Variants in CCDC172 observed in about 807,000 individuals in gnomAD.
The protein encoded by CCDC172 is coiled-coil domain containing 172, also known as coiled-coil domain-containing protein 172.
In CCDC172, 30 loss-of-function variants were observed where a neutral mutation model predicts 38.0. The ratio of observed to expected loss-of-function variants is 0.79; its 90% confidence interval spans 0.59 to 1.07. The LOEUF (loss-of-function observed/expected upper bound fraction) is 1.07. Among genes scored for constraint, CCDC172 ranks in the 50% least tolerant of loss-of-function variants. CCDC172 has a pLI of 0.00. For missense variants in CCDC172, 297 were observed against 290.1 expected (o/e 1.02, Z -0.17); for synonymous variants, 78 against 88.3 (o/e 0.88, Z 0.66).
intron 7 of CCDC172, among the ~76,000 whole-genome samples, chr10:116,371,561 A>ATT (rs1413947343): frequency 5.3e-5 from 8 of 152,080 alleles, no homozygotes; most frequent in African/African-American, 1.9e-4. Flanking sequence ...AGGAAAAGAA[A>ATT]TTCACTGTTT....
intron 2 of CCDC172, 80 bp downstream of exon 2, chr10:116,325,170 C>T: frequency 6.5e-7 from 1 of 1,531,094 alleles, no homozygotes; most frequent in Non-Finnish European, 9.0e-7. Context: ...ATCCCGAAGG[C>T]AGTGGTCAGA....
chr10:116,340,329 A>G (rs1296451694), intron 3 of CCDC172, among the ~76,000 whole-genome samples: 1 of 151,838 alleles, frequency 6.6e-6, no homozygotes, highest in East Asian at 1.9e-4. Context: ...TATATTATGT[A>G]CATGATTTAT....
intron 3 of CCDC172, among the ~76,000 whole-genome samples, chr10:116,335,464 T>A (rs1366516974): frequency 6.6e-6 from 1 of 151,816 alleles, no homozygotes; most frequent in Non-Finnish European, 1.5e-5. Context: ...TTTTCCTGAT[T>A]CTTTTCATAG....
rs145927106 is a variant in CCDC172, at chr10:116,330,075, A to G, written c.165+4687A>G. On this transcript the variant is annotated intron_variant, in intron 3 of 8. Transcript: ENST00000333254. ...CGCCATTTTTACTTAGATAATTGACAGTCAAGTTGTAGTTATTTAGATTTG... is the reference window on the plus strand; with the variant it reads ...CGCCATTTTTACTTAGATAATTGACGGTCAAGTTGTAGTTATTTAGATTTG... 4.6e-3 allele frequency among the ~76,000 whole-genome samples: 697 copies of G among 152,286 alleles called. 6 individuals carry two copies. The highest frequency in any genetic ancestry group is 0.016 in the African/African-American group (678 of 41,570).
chr10:116,348,092 T>G (rs1844888422), intron 5 of CCDC172, among the ~76,000 whole-genome samples: 1 of 152,128 alleles, frequency 6.6e-6, no homozygotes, highest in Non-Finnish European at 1.5e-5. Flanking sequence ...CGCTTTTTTC[T>G]TTCTCTGCTT....
chr10:116,325,418 A>G, intron 3 of CCDC172, 30 bp downstream of exon 3: 1 of 1,564,344 alleles, frequency 6.4e-7, no homozygotes, highest in Non-Finnish European at 8.8e-7. Flanking sequence ...ACTAATTATC[A>G]CTTGAAAAAG....
chr10:116,325,112 G>C, intron 2 of CCDC172, 22 bp downstream of exon 2: 1 of 1,610,484 alleles, frequency 6.2e-7, no homozygotes, highest in Non-Finnish European at 8.5e-7. Context: ...TCTGTCCTTT[G>C]CATGGGGCCT....
At chr10:116,329,925 T>C (rs1461807556) in intron 3 of CCDC172, among the ~76,000 whole-genome samples, 1 of 152,234 alleles carries the variant, frequency 6.6e-6, no homozygotes, top group Non-Finnish European at 1.5e-5. Context: ...TTCAATATTG[T>C]GTACGATCAC....
chr10:116,349,359 A>T (rs1415836793), intron 5 of CCDC172, among the ~76,000 whole-genome samples: 2 of 152,162 alleles, frequency 1.3e-5, no homozygotes, highest in Non-Finnish European at 2.9e-5. Flanking sequence ...TGTCTTCCAC[A>T]AAAACAGTCC....
intron 3 of CCDC172, among the ~76,000 whole-genome samples, chr10:116,332,179 A>G (rs1459331694): frequency 6.6e-6 from 1 of 152,088 alleles, no homozygotes; most frequent in East Asian, 1.9e-4. Context: ...CACCATCCTT[A>G]CACTGAGCTG....
intron 7 of CCDC172, among the ~76,000 whole-genome samples, chr10:116,361,606 G>C (rs1476574951): frequency 6.6e-6 from 1 of 151,866 alleles, no homozygotes; most frequent in Non-Finnish European, 1.5e-5. Flanking sequence ...GAAATGAAAA[G>C]AAAAAAAGGT....
At chr10:116,340,534 T>A (rs1028285545) in intron 3 of CCDC172, among the ~76,000 whole-genome samples, 200 bp from the exon 4 acceptor site, 1 of 151,880 alleles carries the variant, frequency 6.6e-6, no homozygotes, top group African/African-American at 2.4e-5. Context: ...GAAGAGATTA[T>A]AAAATTGTAA....
intron 7 of CCDC172, among the ~76,000 whole-genome samples, chr10:116,364,793 G>A (rs1845103984): frequency 6.6e-6 from 1 of 152,128 alleles, no homozygotes; most frequent in Admixed American, 6.5e-5. Flanking sequence ...TTGCATTTGA[G>A]CACTAGGACT....
At chr10:116,330,094 A>C (rs1463370774) in intron 3 of CCDC172, among the ~76,000 whole-genome samples, 1 of 152,192 alleles carries the variant, frequency 6.6e-6, no homozygotes, top group African/African-American at 2.4e-5. Flanking sequence ...GTAGTTATTT[A>C]GATTTGGGTG....
chr10:116,334,691 A>G (rs932200764), intron 3 of CCDC172, among the ~76,000 whole-genome samples: 3 of 152,032 alleles, frequency 2.0e-5, no homozygotes, highest in Non-Finnish European at 4.4e-5. Context: ...AACTGTATAC[A>G]TACATCTTTG....
At chr10:116,339,366 C>A (rs1025115045) in intron 3 of CCDC172, among the ~76,000 whole-genome samples, 2 of 151,864 alleles carry the variant, frequency 1.3e-5, no homozygotes, top group Admixed American at 1.3e-4. Flanking sequence ...TAAATAGTCA[C>A]AAAATATTTT....
chr10:116,334,735 A>G lies in CCDC172; in HGVS notation c.166-5999A>G, dbSNP rs144931876. Among the ~76,000 whole-genome samples the G allele has an allele frequency of 8.2e-3, 1,251 of 152,178 alleles. 10 individuals are homozygous for G. The highest frequency in any genetic ancestry group is 0.021 in the Admixed American group (323 of 15,292). On this transcript the variant is annotated intron_variant, in intron 3 of 8. Coordinates refer to ENST00000333254, the MANE Select transcript of CCDC172 (RefSeq NM_198515.3). ...TCCTAGCTTTTTAGGGTAAAGCCTT[A>G]TAAATCAAATTGCTGTGTCAATGGG...
intron 5 of CCDC172, among the ~76,000 whole-genome samples, chr10:116,348,950 T>C (rs1844898912): frequency 6.6e-6 from 1 of 152,014 alleles, no homozygotes. Flanking sequence ...AGGAGGTGAG[T>C]GGCGGGTGAG....
At chr10:116,360,814 A>G (rs1372446723) in intron 7 of CCDC172, among the ~76,000 whole-genome samples, 3 of 152,104 alleles carry the variant, frequency 2.0e-5, no homozygotes, top group African/African-American at 4.8e-5. Flanking sequence ...TGTGGGGTCC[A>G]CTGCTACCTT....
Sources: gnomAD v4.1 joint callset for allele counts (sites outside exome capture counted in the v4.1 genomes callset) on GRCh38, gnomAD v4.1.1 for gene constraint, MANE v1.5 for transcripts, NCBI Gene and HGNC (gene_info 2026-07-23, HGNC 2026-07-21) for gene names.